Variants in RP1 observed in about 807,000 individuals in gnomAD.
RP1 encodes the protein oxygen-regulated protein 1.
Under a neutral mutation model 14.8 loss-of-function variants are expected in RP1, and 16 were observed. That is an observed-to-expected ratio of 1.08 (90% CI 0.73 to 1.65). The LOEUF is 1.65. Ranked by LOEUF, RP1 falls within the 40% of genes most tolerant of loss-of-function variation. The pLI, the probability that RP1 is intolerant of heterozygous loss-of-function variation, is 0.00. For missense variants in RP1, 2,631 were observed against 2,535.0 expected (o/e 1.04, Z -0.81); for synonymous variants, 876 against 883.6 (o/e 0.99, Z 0.15).
chr8:54,656,130 T>C (rs750023523), exon 6 of RP1: 35 of 1,535,542 alleles, frequency 2.3e-5, no homozygotes, highest in Non-Finnish European at 3.1e-5. Context: ...ATGTACCTGT[T>C]CAACGATGGT....
chr8:54,703,988 T>C (rs1263428263), intron 14 of RP1, among the ~76,000 whole-genome samples: 2 of 152,206 alleles, frequency 1.3e-5, no homozygotes, highest in African/African-American at 4.8e-5. Context: ...TAAGGGAACA[T>C]TGTGGTTGGT....
At chr8:54,848,517 A>G (rs1441069779) in intron 25 of RP1, among the ~76,000 whole-genome samples, 1 of 152,198 alleles carries the variant, frequency 6.6e-6, no homozygotes, top group East Asian at 1.9e-4. Context: ...TCTCCCATAC[A>G]CACTGCTGGA....
Position 54,628,435 on chromosome 8 carries a change from A to G in RP1, c.4553A>G (p.Lys1518Arg), listed in dbSNP as rs780131239. 6.2e-6 allele frequency: 10 copies of G among 1,613,428 alleles called. No individual in the cohort carries two copies. In the Admixed American group the frequency reaches 1.7e-4, roughly 27 times the overall value. The stretch of plus-strand genomic sequence containing the variant: ...TCTAGTAAGAATATTATGGAAGAAA[A>G]AAGAATGAACGGTATAATTTATGAA... ...DISSKNIMEE[K>R]RMNGIIYEII... The change falls in exon 4 of 4, where the codon AAA (lysine) becomes AGA (arginine). Residue 1518 changes from lysine to arginine, a missense_variant. Coordinates refer to ENST00000220676, the MANE Select transcript of RP1 (RefSeq NM_006269.2).
At chr8:54,788,913 A>G (rs967357548) in intron 24 of RP1, among the ~76,000 whole-genome samples, 6 of 152,292 alleles carry the variant, frequency 3.9e-5, no homozygotes, top group Non-Finnish European at 8.8e-5. Context: ...AGAAATGAGA[A>G]AAAGTCTCAT....
chr8:54,720,057 A>T, intron 15 of RP1: 3 of 1,224,774 alleles, frequency 2.4e-6, no homozygotes, highest in Non-Finnish European at 2.2e-6. Flanking sequence ...ATATTCTTTT[A>T]AAACGACTGG....
chr8:54,692,956 A>C (rs1259516581), intron 12 of RP1, among the ~76,000 whole-genome samples: 1 of 152,160 alleles, frequency 6.6e-6, no homozygotes, highest in Non-Finnish European at 1.5e-5. Flanking sequence ...TTTAGGTCTA[A>C]CATTTACGTC....
intron 1 of RP1, among the ~76,000 whole-genome samples, chr8:54,594,465 C>T (rs184991033): frequency 6.6e-6 from 1 of 152,308 alleles, no homozygotes; most frequent in Non-Finnish European, 1.5e-5. Context: ...GTTAGAAGCA[C>T]ATTATTTTCT....
At chr8:54,806,296 C>T (rs186362505) in intron 24 of RP1, among the ~76,000 whole-genome samples, 22 of 152,088 alleles carry the variant, frequency 1.4e-4, no homozygotes, top group Non-Finnish European at 2.4e-4. Flanking sequence ...GGATTACAAG[C>T]GTGAGCCATT....
chr8:54,817,072 T>C (rs1811150486), intron 24 of RP1, among the ~76,000 whole-genome samples: 1 of 152,108 alleles, frequency 6.6e-6, no homozygotes, highest in African/African-American at 2.4e-5. Flanking sequence ...ATTCAGTCTC[T>C]TCAGAGGACT....
intron 23 of RP1, among the ~76,000 whole-genome samples, chr8:54,777,647 A>T (rs1002665418): frequency 2.6e-5 from 4 of 152,192 alleles, no homozygotes; most frequent in Admixed American, 6.5e-5. Context: ...AAGCACTTAA[A>T]AATTAAAAAA....
At chr8:54,587,835 A>G (rs1022485028) in intron 1 of RP1, among the ~76,000 whole-genome samples, 1 of 152,204 alleles carries the variant, frequency 6.6e-6, no homozygotes, top group African/African-American at 2.4e-5. Context: ...TCAGTATTTT[A>G]TAATGCATGT....
chr8:54,730,383 T>C (rs1808765227), intron 17 of RP1, among the ~76,000 whole-genome samples: 2 of 152,246 alleles, frequency 1.3e-5, no homozygotes, highest in Admixed American at 1.3e-4. Flanking sequence ...TTTCTTCTTA[T>C]ATATGGTTTT....
intron 19 of RP1, chr8:54,739,131 G>A: frequency 1.4e-6 from 1 of 696,242 alleles, no homozygotes; most frequent in Non-Finnish European, 2.3e-6. Flanking sequence ...AATTACAGAT[G>A]CTCCTTGACT....
chr8:54,750,827 A>G lies in RP1; in HGVS notation c.2809-3976A>G, dbSNP rs72650360. On this transcript the variant is annotated intron_variant, in intron 19 of 22. Transcript: ENST00000636932. The stretch of plus-strand genomic sequence containing the variant: ...AACGCACCAATCAGTGGTCTGTAAA[A>G]CGCACCAATCAGCAGGACTCTGAAA... Among the ~76,000 whole-genome samples the G allele has an allele frequency of 6.4e-3, 971 of 152,334 alleles. 6 individuals carry two copies. The highest frequency in any genetic ancestry group is 0.011 in the Non-Finnish European group (748 of 68,030).
chr8:54,864,576 A>G (rs1425577845), intron 27 of RP1, among the ~76,000 whole-genome samples: 1 of 152,084 alleles, frequency 6.6e-6, no homozygotes, highest in East Asian at 1.9e-4. Context: ...TTCCCTGTTG[A>G]TTATTAAGAT....
In RP1 at chr8:54,625,004, A is replaced by G. The variant is rs1372033180; in HGVS notation, c.1122A>G (p.Glu374=). Residue 374 remains glutamate (E), a synonymous_variant, in exon 4 of 4, where the codon GAA becomes GAG. Transcript: ENST00000220676. ...KSEMSFPGRT[E]SRSSGLKLAA... is the part of the protein sequence containing the mutation. ...AGATGAGTTTTCCAGGAAGAACAGA[A>G]AGTCGATCATCTGGTTTAAAGCTTG... is the stretch of plus-strand genomic sequence containing the variant. 1.2e-6 allele frequency: 2 copies of G among 1,614,226 alleles called. No homozygotes were observed. The highest frequency in any genetic ancestry group is 2.2e-5 in the South Asian group (2 of 91,082).
At position 54,629,246 on chromosome 8, in the gene RP1, T is replaced by C. The variant is rs774719418; in HGVS notation, c.5364T>C (p.Phe1788=). The C allele has an allele frequency of 5.6e-6, 9 of 1,614,024 alleles. No homozygotes were observed. Among genetic ancestry groups the C allele is most frequent in the Non-Finnish European group, 8.5e-7 (1 of 1,179,942 alleles). Residue 1788 remains phenylalanine, a synonymous_variant, in exon 4 of 4, where the codon TTT becomes TTC. Coordinates refer to ENST00000220676, the MANE Select transcript of RP1 (RefSeq NM_006269.2). ...GCAGTGAGGTACCATATTCACATTTTGGTAATTTGGCCCCAGGCCCAACGA... is the reference window on the plus strand; with the variant it reads ...GCAGTGAGGTACCATATTCACATTTCGGTAATTTGGCCCCAGGCCCAACGA... The part of the protein sequence containing the change: ...NNSSEVPYSH[F]GNLAPGPTMD...
intron 1 of RP1, among the ~76,000 whole-genome samples, chr8:54,564,759 C>T (rs370560465): frequency 3.0e-4 from 45 of 152,252 alleles, no homozygotes; most frequent in African/African-American, 9.4e-4. Context: ...TGATTGATTC[C>T]TTGTGGTGGG....
intron 12 of RP1, among the ~76,000 whole-genome samples, chr8:54,682,371 T>A (rs755158821): frequency 2.6e-5 from 4 of 152,126 alleles, no homozygotes; most frequent in Non-Finnish European, 5.9e-5. Flanking sequence ...TTAGTGGGAA[T>A]GTAAATTAGT....
Sources: gnomAD v4.1 joint callset for allele counts (sites outside exome capture counted in the v4.1 genomes callset) on GRCh38, gnomAD v4.1.1 for gene constraint, MANE v1.5 for transcripts, NCBI Gene and HGNC (gene_info 2026-07-23, HGNC 2026-07-21) for gene names.